The following TOP3A variants were observed in gnomAD, a reference collection of about 807,000 sequenced individuals.
TOP3A encodes the protein DNA topoisomerase III alpha.
In TOP3A, 64 loss-of-function variants were observed where a neutral mutation model predicts 111.3. The ratio of observed to expected loss-of-function variants is 0.57; its 90% CI spans 0.47 to 0.71. TOP3A has a LOEUF of 0.71. TOP3A is among the 30% of genes least tolerant of loss of function. The probability of loss-of-function intolerance (pLI) is 0.00; values close to 1 mark genes in which losing one functional copy is unlikely to be tolerated. For synonymous variants in TOP3A, 484 were observed against 485.1 expected (o/e 1.00, Z 0.03); for missense variants, 1,104 against 1,285.0 (o/e 0.86, Z 2.15).
chr17:18,280,186 A>T (rs1001387314), intron 17 of TOP3A: 20 of 112,038 alleles, frequency 1.8e-4, no homozygotes, highest in African/African-American at 5.2e-4. Context: ...TTTTTTTTTT[A>T]AAGAGATGGG....
In TOP3A at chr17:18,314,593, T is replaced by C. The variant is rs1168836441; in HGVS notation, c.180+6A>G. ...GCACGCAGCTGATCGGAACGCGCTT[T>C]CTTACCCGCCTCATGCGACCGTTTG... On this transcript the variant is annotated splice_donor_region_variant and intron_variant, in intron 1 of 18. Coordinates refer to ENST00000321105, the MANE Select transcript of TOP3A (RefSeq NM_004618.5). 1.9e-6 allele frequency: 3 copies of C among 1,607,986 alleles called. No individual in the cohort carries two copies. The highest frequency in any genetic ancestry group is 2.6e-6 in the Non-Finnish European group (3 of 1,176,294).
chr17:18,282,577 G>A (rs1979824462), intron 16 of TOP3A, 121 bp downstream of exon 16: 1 of 1,405,308 alleles, frequency 7.1e-7, no homozygotes, highest in African/African-American at 1.4e-5. Flanking sequence ...TTGCCTGCAG[G>A]TTGGCAACAA....
chr17:18,285,467 C>A lies in TOP3A; in HGVS notation c.1651G>T (p.Val551Leu), dbSNP rs1047455569. ...AACCGCTTGTCTGGGGTGAGGCCCA[C>A]GTACATCCGGGCTTTGATGGTCTCG... ...HIETIKARMY[V>L]GLTPDKRFLP... The change falls in exon 14 of 19, where the codon GTG (valine) becomes TTG (leucine). Residue 551 changes from valine to leucine, a missense_variant. Physicochemically the swap from Val to Leu is conservative, Grantham distance 32. Coordinates refer to ENST00000321105, the MANE Select transcript of TOP3A (RefSeq NM_004618.5). The A allele has an allele frequency of 8.7e-6, 14 of 1,613,986 alleles. No homozygotes were observed. The highest frequency in any genetic ancestry group is 1.0e-5 in the Non-Finnish European group (12 of 1,180,022).
chr17:18,309,693 A>G (rs1439392488), intron 1 of TOP3A, among the ~76,000 whole-genome samples: 2 of 151,570 alleles, frequency 1.3e-5, no homozygotes, highest in Non-Finnish European at 2.9e-5. Context: ...CTTGTACATG[A>G]AAGTCTATAG....
intron 1 of TOP3A, among the ~76,000 whole-genome samples, chr17:18,314,109 G>C (rs1226197721): frequency 6.9e-6 from 1 of 144,642 alleles, no homozygotes; most frequent in African/African-American, 2.9e-5. Flanking sequence ...AGTGTGCACT[G>C]TGAGGCTGGA....
At chr17:18,283,367 C>A (rs1979890067) in intron 15 of TOP3A, among the ~76,000 whole-genome samples, 1 of 150,958 alleles carries the variant, frequency 6.6e-6, no homozygotes, top group South Asian at 2.1e-4. Context: ...GAAACTCCAT[C>A]TCAAAAAAAA....
chr17:18,274,698 C>T lies in TOP3A; in HGVS notation c.*104G>A. 1 of 1,517,206 alleles carries T rather than the reference C, an allele frequency of 6.6e-7. No individual in the cohort carries two copies. Among genetic ancestry groups the T allele is most frequent in the East Asian group, 2.3e-5 (1 of 43,970 alleles). 94.0% of individuals were successfully genotyped at this position (1,517,206 alleles called of 1,614,324 possible). On this transcript the variant is annotated 3_prime_UTR_variant, in exon 19 of 19. Coordinates refer to ENST00000321105, the MANE Select transcript of TOP3A (RefSeq NM_004618.5). ...CGACTCCAAAGGCCAACACTGTCCT[C>T]TAAGTTTCCAGGACACTAAATGGCC...
chr17:18,308,321 G>T, intron 3 of TOP3A, 30 bp downstream of exon 3: 1 of 1,395,452 alleles, frequency 7.2e-7, no homozygotes, highest in Middle Eastern at 1.8e-4. Flanking sequence ...ACTATAATCT[G>T]AAAGTCCTTC....
intron 3 of TOP3A, 93 bp downstream of exon 3, chr17:18,308,258 A>T: frequency 2.1e-6 from 1 of 468,646 alleles, no homozygotes; most frequent in Non-Finnish European, 3.6e-6. Context: ...AAAAAAAAAA[A>T]ATTACCCAGT....
chr17:18,288,019 C>A (rs1438778108), intron 13 of TOP3A, among the ~76,000 whole-genome samples: 3 of 150,256 alleles, frequency 2.0e-5, no homozygotes, highest in African/African-American at 7.3e-5. Context: ...ACAAAAAAAA[C>A]AAAAAAACTG....
At chr17:18,310,611 G>A (rs1439518122) in intron 1 of TOP3A, among the ~76,000 whole-genome samples, 3 of 152,056 alleles carry the variant, frequency 2.0e-5, no homozygotes, top group Admixed American at 2.0e-4. Flanking sequence ...GGTTGTGAGG[G>A]GCTGAGGAGA....
intron 4 of TOP3A, among the ~76,000 whole-genome samples, chr17:18,305,836 TCAAAA>T (rs544348650): frequency 5.3e-5 from 8 of 151,770 alleles, no homozygotes; most frequent in Non-Finnish European, 8.8e-5. Context: ...AGACTCCATC[TCAAAA>T]CAAAACAAAA....
chr17:18,277,949 G>A lies in TOP3A; in HGVS notation c.2553C>T (p.Ser851=). The change falls in exon 18 of 19, where the codon AGC becomes AGT. Residue 851 remains serine, a synonymous_variant. Transcript: ENST00000321105. ...GAGGCCCTCCTGCTCCCGGATTGGG[G>A]CTGTCTGCCCACAGGAAGAAGTTGC... The part of the protein sequence containing the change: ...GSCNFFLWAD[S]PNPGAGGPPA... 3 of 1,613,948 alleles carry A rather than the reference G, an allele frequency of 1.9e-6. No homozygotes were observed. Among genetic ancestry groups the A allele is most frequent in the Non-Finnish European group, 2.5e-6 (3 of 1,180,042 alleles).
intron 13 of TOP3A, among the ~76,000 whole-genome samples, chr17:18,288,121 C>G (rs1037019023): frequency 8.2e-6 from 1 of 121,912 alleles, no homozygotes; most frequent in African/African-American, 3.1e-5. Flanking sequence ...ATAAATAAAG[C>G]TGTTAATAAT....
chr17:18,277,329 C>T (rs1442391448), intron 18 of TOP3A, among the ~76,000 whole-genome samples: 1 of 152,154 alleles, frequency 6.6e-6, no homozygotes, highest in African/African-American at 2.4e-5. Flanking sequence ...CTGAGCAATA[C>T]CCACTTCATG....
At chr17:18,299,768 AGTGCCCCACTTAAT>A (rs1199995246) in intron 8 of TOP3A, 135 bp from the exon 9 acceptor site, 4 of 771,400 alleles carry the variant, frequency 5.2e-6, no homozygotes, top group Non-Finnish European at 9.1e-6. Flanking sequence ...AGCCTAGAAG[AGTGCCCCACTTAAT>A]GTCGCTTGTA....
chr17:18,289,606 T>C (rs992494946), intron 13 of TOP3A, among the ~76,000 whole-genome samples: 1 of 152,166 alleles, frequency 6.6e-6, no homozygotes, highest in Non-Finnish European at 1.5e-5. Flanking sequence ...TTGCCCAAGC[T>C]GGTCTTGAAT....
Position 18,282,714 on chromosome 17 carries a change from T to C in TOP3A, c.2005A>G (p.Thr669Ala). 6.2e-7 allele frequency: 1 copy of C among 1,613,704 alleles called. No homozygotes were observed. The highest frequency in any genetic ancestry group is 1.7e-5 in the Admixed American group (1 of 60,020). Residue 669 changes from threonine (T) to alanine (A), a missense_variant, in exon 16 of 19, where the codon ACC becomes GCC. Physicochemically the swap from Thr to Ala is moderately conservative, Grantham distance 58. Transcript: ENST00000321105. ...PQCNKDMVLK[T>A]KKNGGFYLSC... is the part of the protein sequence containing the mutation. ...CGCACTCACCCGCCATTCTTCTTGG[T>C]CTTAAGGACCATGTCCTTGTTGCAC...
In TOP3A at chr17:18,274,238, G is replaced by C. The variant is rs1189795466; in HGVS notation, c.*564C>G. 1 of 152,328 alleles carries C rather than the reference G, an allele frequency of 6.6e-6. No homozygotes were observed. The highest frequency in any genetic ancestry group is 1.5e-5 in the Non-Finnish European group (1 of 68,160). The allele number at this position is 152,328 out of a possible 1,614,324, so 9.4% of individuals were successfully genotyped here. A position where few individuals can be genotyped will look rare whatever the true frequency, so the allele number is the denominator to read the frequency against. On this transcript the variant is annotated 3_prime_UTR_variant, in exon 19 of 19. Coordinates refer to ENST00000321105, the MANE Select transcript of TOP3A (RefSeq NM_004618.5). ...AGGCATGAGCCACTGCACCCGGCCT[G>C]GGTTCTTTATTAAAGCAATGAATTC... is the stretch of plus-strand genomic sequence containing the variant.
Sources: gnomAD v4.1 joint callset for allele counts (sites outside exome capture counted in the v4.1 genomes callset) on GRCh38, gnomAD v4.1.1 for gene constraint, MANE v1.5 for transcripts, NCBI Gene and HGNC (gene_info 2026-07-23, HGNC 2026-07-21) for gene names.